The following RANGAP1 variants were observed in gnomAD, a reference collection of about 807,000 sequenced individuals.
RANGAP1 encodes the protein Ran GTPase activating protein 1, also known as ran GTPase-activating protein 1.
A neutral mutation model predicts 63.5 loss-of-function variants in RANGAP1; 38 were observed. The observed-to-expected ratio is 0.60, with a 90% confidence interval of 0.46 to 0.78. RANGAP1 has a LOEUF of 0.78. Among genes scored for constraint, RANGAP1 ranks in the 30% least tolerant of loss-of-function variants. RANGAP1 has a pLI of 0.00. For synonymous variants in RANGAP1, 329 were observed against 310.5 expected (o/e 1.06, Z -0.63); for missense variants, 630 against 740.3 (o/e 0.85, Z 1.73).
chr22:41,264,588 C>T lies in RANGAP1; in HGVS notation c.480+76G>A, dbSNP rs956415568. 2.0e-6 allele frequency: 3 copies of T among 1,480,308 alleles called. No individual in the cohort carries two copies. In the African/African-American group the frequency reaches 4.2e-5, roughly 21 times the overall value. The allele number at this position is 1,480,308 out of a possible 1,614,324, so 91.7% of individuals were successfully genotyped here. Reference sequence around the variant, plus strand: ...GCTGACCATCCCAGATGGTGGTGGCCAAGGGCCAGGGCACATATGTCAGAC... The same window carrying T: ...GCTGACCATCCCAGATGGTGGTGGCTAAGGGCCAGGGCACATATGTCAGAC... On this transcript the variant is annotated intron_variant, in intron 5 of 15. Transcript: ENST00000356244.
Position 41,257,796 on chromosome 22 carries a change from C to A in RANGAP1, c.774+152G>T. 1 of 961,110 alleles carries A rather than the reference C, an allele frequency of 1.0e-6. No homozygotes were observed. The highest frequency in any genetic ancestry group is 1.5e-6 in the Non-Finnish European group (1 of 678,692). 59.5% of individuals were successfully genotyped at this position (961,110 alleles called of 1,614,324 possible). On this transcript the variant is annotated intron_variant, in intron 7 of 15. Transcript: ENST00000356244. The surrounding 1 kb of genome is among the most constrained non-coding windows in gnomAD (Gnocchi z 4.0). ...TTGGGACCTGCAACCCTGTTCAGGACATGTTCAAAGAGCTGGAGCCATGGG... is the reference window on the plus strand; with the variant it reads ...TTGGGACCTGCAACCCTGTTCAGGAAATGTTCAAAGAGCTGGAGCCATGGG...
chr22:41,285,555 G>A (rs1251205784), intron 1 of RANGAP1: 1 of 985,342 alleles, frequency 1.0e-6, no homozygotes, highest in Non-Finnish European at 1.2e-6. Context: ...TCGATTCCAG[G>A]GACAGCGGCG....
chr22:41,266,057 C>T (rs939690242), intron 4 of RANGAP1, among the ~76,000 whole-genome samples: 2 of 152,124 alleles, frequency 1.3e-5, no homozygotes, highest in Non-Finnish European at 2.9e-5. Context: ...AAAAAATTAG[C>T]CGGGCATGGT....
chr22:41,249,435 T>C lies in RANGAP1; in HGVS notation c.1589A>G (p.Lys530Arg), dbSNP rs752195047. 2 of 1,614,188 alleles carry C rather than the reference T, an allele frequency of 1.2e-6. No homozygotes were observed. The highest frequency in any genetic ancestry group is 1.7e-6 in the Non-Finnish European group (2 of 1,180,028). The stretch of plus-strand genomic sequence containing the variant: ...GGGGCCGTACAGGTTGGCAATGGCC[T>C]TGACCTTGTCTTCACTCTGAGAGGA... ...MGLLKSEDKV[K>R]AIANLYGPLM... Residue 530 changes from lysine to arginine, a missense_variant, in exon 15 of 16, where the codon AAG becomes AGG. Around this residue, in one of 3 missense-constraint regions of RANGAP1, gnomAD observed 428 missense variants for 465.5 expected, o/e 0.92. Transcript: ENST00000356244.
At chr22:41,260,901 G>GC (rs918053166) in intron 6 of RANGAP1, among the ~76,000 whole-genome samples, 1 of 152,198 alleles carries the variant, frequency 6.6e-6, no homozygotes, top group African/African-American at 2.4e-5. Flanking sequence ...CCTGTTAGGG[G>GC]CAAGTGTAGC....
At chr22:41,261,016 G>C (rs1268932642) in intron 6 of RANGAP1, among the ~76,000 whole-genome samples, 1 of 152,148 alleles carries the variant, frequency 6.6e-6, no homozygotes, top group Non-Finnish European at 1.5e-5. Context: ...CACGTCATTT[G>C]GCACCTGAGC....
intron 12 of RANGAP1, among the ~76,000 whole-genome samples, chr22:41,252,544 G>A (rs1056221746): frequency 1.3e-5 from 2 of 152,090 alleles, no homozygotes; most frequent in African/African-American, 4.8e-5. Flanking sequence ...AGTTGTTCTC[G>A]AAGCAGCTGG....
At chr22:41,296,758 T>G in the RANGAP1 span, among the ~76,000 whole-genome samples, 1 of 151,914 alleles carries the variant, frequency 6.6e-6, no homozygotes. Flanking sequence ...CAGCAGGAGA[T>G]ATATGTACGT....
rs548444589 is a variant in RANGAP1 at position 41,269,695 on chromosome 22, T to C, written c.241-1539A>G. Among the ~76,000 whole-genome samples the C allele has an allele frequency of 8.7e-5, 13 of 149,210 alleles. 1 individual carries two copies. The South Asian group carries it at 1.1e-3, about 12-fold the overall frequency. ...AGGCAGAGGTTGTGCTGAGCTGAAA[T>C]TGCGCCACTACACAGCAGCCTGGGC... On this transcript the variant is annotated intron_variant, in intron 3 of 15. Coordinates refer to ENST00000356244, the MANE Select transcript of RANGAP1 (RefSeq NM_002883.4).
chr22:41,287,004 T>C (rs1225463904), upstream of RANGAP1, among the ~76,000 whole-genome samples: 2 of 152,312 alleles, frequency 1.3e-5, no homozygotes, highest in Non-Finnish European at 2.9e-5. Flanking sequence ...ATGCAAGACA[T>C]GGTCCTGGAT....
chr22:41,258,067 C>T lies in RANGAP1; in HGVS notation c.655G>A (p.Gly219Arg). The T allele has an allele frequency of 6.2e-7, 1 of 1,612,884 alleles. No individual in the cohort carries two copies. The highest frequency in any genetic ancestry group is 8.5e-7 in the Non-Finnish European group (1 of 1,179,248). The change falls in exon 7 of 16, where the codon GGG (glycine) becomes AGG (arginine). Residue 219 changes from glycine to arginine, a missense_variant. By Grantham distance (125) the Gly-to-Arg change is moderately radical (BLOSUM62 -2). Coordinates refer to ENST00000356244, the MANE Select transcript of RANGAP1 (RefSeq NM_002883.4). ...GCAGTGATGCCAGGGTGGTTGATCC[C>T]ATTCTGTGGCATGTGGACCTCCTCC... Reference protein sequence around the residue: ...TLEEVHMPQNGINHPGITALA... With the variant: ...TLEEVHMPQNRINHPGITALA...
intron 6 of RANGAP1, 27 bp downstream of exon 6, chr22:41,261,418 AG>A: frequency 6.2e-7 from 1 of 1,613,898 alleles, no homozygotes; most frequent in East Asian, 2.2e-5. Context: ...TCAAGGCTGC[AG>A]GGGCAGGATG....
At chr22:41,302,256 TG>T in the RANGAP1 span, among the ~76,000 whole-genome samples, 1 of 150,324 alleles carries the variant, frequency 6.7e-6, no homozygotes, top group Non-Finnish European at 1.5e-5. This position sits in a 1 kb window ranked among gnomAD's most constrained non-coding sequence, Gnocchi z 5.7. Context: ...CACCCGGAGT[TG>T]GAGGGGCCGC....
At chr22:41,256,378 GAT>G (rs1451108803) in intron 8 of RANGAP1, 88 bp from the exon 9 acceptor site, 19 of 1,334,992 alleles carry the variant, frequency 1.4e-5, no homozygotes, top group Non-Finnish European at 2.0e-5. Context: ...CCCAAGTGAG[GAT>G]ATGGCAGGCT....
intron 2 of RANGAP1, chr22:41,277,599 G>T: frequency 1.1e-6 from 1 of 888,342 alleles, no homozygotes; most frequent in Non-Finnish European, 1.5e-6. Flanking sequence ...AGGGTCTTGA[G>T]AAAGGACTTA....
chr22:41,247,799 C>A (rs527957356), intron 15 of RANGAP1, among the ~76,000 whole-genome samples: 4 of 152,244 alleles, frequency 2.6e-5, no homozygotes, highest in Non-Finnish European at 5.9e-5. Context: ...CCAGGATCTG[C>A]GCCAGGCCGG....
At chr22:41,283,585 A>C (rs2035608534) in intron 1 of RANGAP1, among the ~76,000 whole-genome samples, 1 of 152,340 alleles carries the variant, frequency 6.6e-6, no homozygotes, top group Admixed American at 6.5e-5. Context: ...GAAATAGTTA[A>C]ATAAAGATAT....
At chr22:41,249,238 TG>T (rs2033261020) in intron 15 of RANGAP1, 91 bp downstream of exon 15, 1 of 1,468,240 alleles carries the variant, frequency 6.8e-7, no homozygotes. Context: ...CTGGCTGGGC[TG>T]GGGCTGGGCC....
intron 2 of RANGAP1, among the ~76,000 whole-genome samples, chr22:41,276,763 G>A (rs1161796175): frequency 1.3e-5 from 2 of 151,856 alleles, no homozygotes; most frequent in Non-Finnish European, 2.9e-5. Context: ...GGATCGTGAG[G>A]TCAGGAGTTC....
Sources: allele counts gnomAD v4.1 joint callset (sites outside exome capture counted in the v4.1 genomes callset), GRCh38; gene constraint gnomAD v4.1.1; regional missense constraint gnomAD v4.1.1; non-coding constraint Gnocchi (gnomAD v3.1); transcripts MANE v1.5; gene names NCBI Gene and HGNC (gene_info 2026-07-23, HGNC 2026-07-21).